Variants in PSD3 observed in about 807,000 individuals in gnomAD.
PSD3 encodes the protein pleckstrin and Sec7 domain containing 3.
PSD3 carries 49 observed loss-of-function variants against 105.5 expected under a neutral mutation model. The observed-to-expected ratio is 0.46, with a 90% confidence interval of 0.37 to 0.59. PSD3 has a LOEUF of 0.59. PSD3 is among the 20% of genes least tolerant of loss of function. PSD3 has a pLI of 0.00. For missense variants in PSD3, 1,561 were observed against 1,263.8 expected (o/e 1.24, Z -3.57); for synonymous variants, 557 against 457.8 (o/e 1.22, Z -2.77).
At chr8:18,556,990 T>C (rs548058484) in intron 14 of PSD3, among the ~76,000 whole-genome samples, 3 of 152,340 alleles carry the variant, frequency 2.0e-5, no homozygotes, top group Admixed American at 2.0e-4. Context: ...TAGCAATTAT[T>C]GCCTTAGTAG....
intron 1 of PSD3, among the ~76,000 whole-genome samples, chr8:19,049,179 G>A (rs1828428350): frequency 6.6e-6 from 1 of 152,146 alleles, no homozygotes. Flanking sequence ...GGTACTGAGT[G>A]TTAGGAATTT....
chr8:18,614,297 T>G (rs10098963), intron 11 of PSD3, among the ~76,000 whole-genome samples: 33,711 of 151,178 alleles, frequency 0.22, 4,127 homozygotes, highest in Middle Eastern at 0.38. Flanking sequence ...AGTACGTTGG[T>G]TTGTTGCTGC....
chr8:19,008,515 G>T (rs946595916), intron 1 of PSD3, among the ~76,000 whole-genome samples: 1 of 152,136 alleles, frequency 6.6e-6, no homozygotes, highest in Non-Finnish European at 1.5e-5. Context: ...AGTGTCCTAT[G>T]ACTCAATCAA....
chr8:18,539,974 T>C (rs4921934), intron 15 of PSD3, among the ~76,000 whole-genome samples: 138,904 of 152,172 alleles, frequency 0.91, 63,453 homozygotes, highest in South Asian at 0.97. Flanking sequence ...TCCTGCTTCC[T>C]GAACAGCCTC....
intron 9 of PSD3, among the ~76,000 whole-genome samples, chr8:18,712,154 T>A (rs1180287970): frequency 6.6e-6 from 1 of 152,076 alleles, no homozygotes; most frequent in African/African-American, 2.4e-5. Flanking sequence ...CAGTACTAAA[T>A]GCCCACAGCA....
At chr8:18,988,920 G>A (rs1360601384) in intron 1 of PSD3, among the ~76,000 whole-genome samples, 1 of 152,178 alleles carries the variant, frequency 6.6e-6, no homozygotes, top group Non-Finnish European at 1.5e-5. Context: ...TTTTGCCATG[G>A]GGGCTTCAAA....
chr8:18,738,938 T>C (rs562182989), intron 9 of PSD3, among the ~76,000 whole-genome samples: 1 of 152,224 alleles, frequency 6.6e-6, no homozygotes, highest in South Asian at 2.1e-4. Flanking sequence ...TAATATATTT[T>C]AAAGACAAAA....
intron 1 of PSD3, among the ~76,000 whole-genome samples, chr8:19,043,811 C>T (rs929421710): frequency 6.6e-6 from 1 of 152,202 alleles, no homozygotes; most frequent in Non-Finnish European, 1.5e-5. Context: ...ACTTCCCAGC[C>T]TCCAGAATGG....
intron 4 of PSD3, among the ~76,000 whole-genome samples, chr8:18,859,358 T>C (rs1816263089): frequency 6.6e-6 from 1 of 151,940 alleles, no homozygotes; most frequent in African/African-American, 2.4e-5. Flanking sequence ...GCAGAGTAGA[T>C]TTAAGGATAA....
At chr8:18,596,019 T>A (rs1006130424) in intron 12 of PSD3, among the ~76,000 whole-genome samples, 1 of 151,960 alleles carries the variant, frequency 6.6e-6, no homozygotes, top group African/African-American at 2.4e-5. Flanking sequence ...AAACAAATCT[T>A]ACCAAATTTA....
At chr8:18,886,099 T>C (rs1334243298) in intron 2 of PSD3, among the ~76,000 whole-genome samples, 1 of 151,898 alleles carries the variant, frequency 6.6e-6, no homozygotes, top group African/African-American at 2.4e-5. Flanking sequence ...ACTGGAGGGG[T>C]AGCCTGTTTT....
chr8:18,792,545 C>T (rs1809817955), intron 8 of PSD3, among the ~76,000 whole-genome samples: 1 of 152,066 alleles, frequency 6.6e-6, no homozygotes, highest in Non-Finnish European at 1.5e-5. Flanking sequence ...CAGAACAGCT[C>T]ACAGTGGGGC....
chr8:18,701,309 GT>G (rs991815881), intron 9 of PSD3, among the ~76,000 whole-genome samples: 3 of 151,832 alleles, frequency 2.0e-5, no homozygotes, highest in African/African-American at 7.3e-5. Context: ...AAGTAAAATA[GT>G]TTTTTTTGGT....
intron 2 of PSD3, among the ~76,000 whole-genome samples, chr8:18,897,483 A>G (rs1207578189): frequency 1.3e-5 from 2 of 152,130 alleles, no homozygotes. Flanking sequence ...TTGGCTATCC[A>G]GGGTATTGTG....
chr8:18,752,568 T>TATA (rs1189801398), intron 9 of PSD3, among the ~76,000 whole-genome samples: 60 of 28,936 alleles, frequency 2.1e-3, no homozygotes, highest in African/African-American at 7.0e-3. Context: ...ATATATATTA[T>TATA]ATATATAATT....
At chr8:18,981,062 C>CTT (rs1825225878) in intron 1 of PSD3, among the ~76,000 whole-genome samples, 1 of 152,158 alleles carries the variant, frequency 6.6e-6, no homozygotes, top group East Asian at 1.9e-4. Context: ...GCTCCCCTCC[C>CTT]CCGTGAGTTT....
chr8:19,018,247 C>T (rs776795953), upstream of PSD3, among the ~76,000 whole-genome samples: 1 of 152,096 alleles, frequency 6.6e-6, no homozygotes, highest in African/African-American at 2.4e-5. Context: ...AACATTTACA[C>T]TTTTAATATG....
chr8:18,661,653 C>A (rs1472848572), intron 9 of PSD3, among the ~76,000 whole-genome samples: 3 of 152,108 alleles, frequency 2.0e-5, no homozygotes, highest in Non-Finnish European at 2.9e-5. Flanking sequence ...GGTCCTTACA[C>A]CTTGCGATGT....
chr8:18,707,236 C>T (rs191246631), intron 9 of PSD3, among the ~76,000 whole-genome samples: 73 of 152,284 alleles, frequency 4.8e-4, no homozygotes, highest in East Asian at 1.9e-4. Flanking sequence ...AAAACCTACC[C>T]GACAATTCAC....
Sources: gnomAD v4.1 joint callset for allele counts (sites outside exome capture counted in the v4.1 genomes callset) on GRCh38, gnomAD v4.1.1 for gene constraint, MANE v1.5 for transcripts, NCBI Gene and HGNC (gene_info 2026-07-23, HGNC 2026-07-21) for gene names.